Variants in EVL observed in about 807,000 individuals in gnomAD.
EVL encodes ena/VASP-like protein.
A neutral mutation model predicts 59.6 loss-of-function variants in EVL; 21 were observed. The ratio of observed to expected loss-of-function variants is 0.35; its 90% CI spans 0.25 to 0.51. EVL has a LOEUF of 0.51. EVL is among the 20% of genes least tolerant of loss of function. The pLI is 0.97. For synonymous variants in EVL, 198 were observed against 203.5 expected, an observed-to-expected ratio of 0.97 and a Z score of 0.23; for missense variants, 462 against 546.6, an observed-to-expected ratio of 0.85 and a Z score of 1.54.
At chr14:100,069,953 A>G (rs73347856) in intron 1 of EVL, among the ~76,000 whole-genome samples, 11,503 of 151,346 alleles carry the variant, frequency 0.076, 704 homozygotes, top group East Asian at 0.18. Flanking sequence ...TTGGCCGGGT[A>G]TGGTGGCTCA....
At chr14:100,119,558 G>C (rs1451424032) in intron 3 of EVL, among the ~76,000 whole-genome samples, 1 of 152,228 alleles carries the variant, frequency 6.6e-6, no homozygotes, top group Non-Finnish European at 1.5e-5. Context: ...CACCAGCAAG[G>C]CTTGGGGGGC....
At chr14:100,121,498 C>T (rs796557136) in intron 3 of EVL, among the ~76,000 whole-genome samples, 27 of 152,314 alleles carry the variant, frequency 1.8e-4, no homozygotes, top group African/African-American at 6.3e-4. Context: ...ACATTTTCTT[C>T]GTTTAAGAAG....
chr14:100,143,675 C>G, intron 13 of EVL, 26 bp from the exon 14 acceptor site: 1 of 1,610,830 alleles, frequency 6.2e-7, no homozygotes, highest in Non-Finnish European at 8.5e-7. Flanking sequence ...ATGGCTGCAC[C>G]TGAGCCGCCG....
intron 1 of EVL, among the ~76,000 whole-genome samples, chr14:100,055,742 G>A (rs947477865): frequency 2.0e-5 from 3 of 152,164 alleles, no homozygotes; most frequent in Admixed American, 1.3e-4. Flanking sequence ...CTTAGATATC[G>A]TAATCAGTGT....
intron 1 of EVL, among the ~76,000 whole-genome samples, chr14:100,023,042 C>T (rs1485891181): frequency 6.6e-6 from 1 of 152,064 alleles, no homozygotes; most frequent in Admixed American, 6.6e-5. Context: ...GGTCCCACGC[C>T]TAGAGAGTAA....
chr14:100,094,614 T>C (rs112596061), intron 2 of EVL, among the ~76,000 whole-genome samples: 9,755 of 150,420 alleles, frequency 0.065, 512 homozygotes, highest in African/African-American at 0.14. Context: ...CATGGTGGCA[T>C]GTACCTGTAG....
intron 1 of EVL, among the ~76,000 whole-genome samples, chr14:99,985,062 C>T (rs115424739): frequency 0.018 from 2,789 of 152,118 alleles, 95 homozygotes; most frequent in African/African-American, 0.063. Context: ...TTAGGCTCCT[C>T]TTGGTGCTGA....
At chr14:100,135,126 C>G (rs1462515187) in intron 8 of EVL, 10 of 152,250 alleles carry the variant, frequency 6.6e-5, no homozygotes, top group Non-Finnish European at 1.5e-4. Flanking sequence ...CATCCCAGCA[C>G]CTGCAGGCTG....
chr14:99,992,294 T>C (rs2140178888), intron 1 of EVL, among the ~76,000 whole-genome samples: 1 of 152,316 alleles, frequency 6.6e-6, no homozygotes, highest in Non-Finnish European at 1.5e-5. Context: ...ATTTATTAAA[T>C]GGGTCGTTTT....
chr14:100,116,422 G>T (rs923680959), intron 3 of EVL, among the ~76,000 whole-genome samples: 1 of 152,188 alleles, frequency 6.6e-6, no homozygotes, highest in Non-Finnish European at 1.5e-5. Flanking sequence ...CTTTTCAGGA[G>T]CCCCAGGGAG....
At chr14:100,004,025 G>A (rs1311303076) in intron 1 of EVL, among the ~76,000 whole-genome samples, 1 of 152,184 alleles carries the variant, frequency 6.6e-6, no homozygotes, top group African/African-American at 2.4e-5. Context: ...CCAACATGGC[G>A]AAAGCCCGTC....
intron 1 of EVL, chr14:99,975,019 TTGGCCTTGGC>T (rs2060760599): frequency 1.0e-5 from 1 of 99,384 alleles, no homozygotes; most frequent in Non-Finnish European, 2.1e-5. Context: ...GACCTACTCC[TTGGCCTTGGC>T]CTTGGCCTTG....
chr14:99,975,016 T>TTGG (rs2060760402), intron 1 of EVL: 4 of 152,850 alleles, frequency 2.6e-5, no homozygotes, highest in African/African-American at 9.7e-5. Context: ...GGGGACCTAC[T>TTGG]CCTTGGCCTT....
chr14:100,129,807 A>G, intron 7 of EVL, 123 bp downstream of exon 7: 1 of 1,364,908 alleles, frequency 7.3e-7, no homozygotes, highest in South Asian at 1.5e-5. Flanking sequence ...TTAGCCAAGC[A>G]GGGGAAACTG....
intron 3 of EVL, among the ~76,000 whole-genome samples, chr14:100,119,900 A>T (rs1432801907): frequency 2.6e-5 from 4 of 152,150 alleles, no homozygotes; most frequent in African/African-American, 4.8e-5. Context: ...GACAATTAAG[A>T]TGTGATCCGC....
intron 1 of EVL, among the ~76,000 whole-genome samples, chr14:99,990,388 G>A (rs2060867576): frequency 6.6e-6 from 1 of 152,012 alleles, no homozygotes; most frequent in South Asian, 2.1e-4. Context: ...CCATTTTTAA[G>A]TGTACAGTTC....
Position 100,130,729 on chromosome 14 carries a change from G to C in EVL, c.839+1045G>C, listed in dbSNP as rs1419841683. ...GCTTCATGGCAGGGCCACAGCCTGGGTTTCCTGCCAAGGGGCTCTTTGCTT... is the reference window on the plus strand; with the variant it reads ...GCTTCATGGCAGGGCCACAGCCTGGCTTTCCTGCCAAGGGGCTCTTTGCTT... On this transcript the variant is annotated intron_variant, in intron 7 of 13. Coordinates refer to ENST00000392920, the MANE Select transcript of EVL (RefSeq NM_016337.3). This position sits in a 1 kb window ranked among gnomAD's most constrained non-coding sequence, Gnocchi z 4.8. Among the ~76,000 whole-genome samples the C allele has an allele frequency of 6.6e-6, 1 of 152,248 alleles. No individual in the cohort carries two copies. Among genetic ancestry groups the C allele is most frequent in the Non-Finnish European group, 1.5e-5 (1 of 68,042 alleles).
intron 3 of EVL, among the ~76,000 whole-genome samples, chr14:100,123,045 C>T (rs149436866): frequency 1.3e-5 from 2 of 152,362 alleles, no homozygotes; most frequent in African/African-American, 4.8e-5. Context: ...CAGGTTTTAA[C>T]TCTGACCAAG....
Position 100,130,193 on chromosome 14 carries a change from T to C in EVL, c.839+509T>C, listed in dbSNP as rs1888344807. ...GAGCGACGGAGAGAGAGTAGTTCCA[T>C]CTACATCCCGGCCGGGCTCTTGGGC... On this transcript the variant is annotated intron_variant, in intron 7 of 13. Coordinates refer to ENST00000392920, the MANE Select transcript of EVL (RefSeq NM_016337.3). This position sits in a 1 kb window ranked among gnomAD's most constrained non-coding sequence, Gnocchi z 4.8. Among the ~76,000 whole-genome samples the C allele has an allele frequency of 6.6e-6, 1 of 152,180 alleles. No homozygotes were observed. The highest frequency in any genetic ancestry group is 2.1e-4 in the South Asian group (1 of 4,834).
Sources: allele counts gnomAD v4.1 joint callset (sites outside exome capture counted in the v4.1 genomes callset), GRCh38; gene constraint gnomAD v4.1.1; non-coding constraint Gnocchi (gnomAD v3.1); transcripts MANE v1.5; gene names NCBI Gene and HGNC (gene_info 2026-07-23, HGNC 2026-07-21).